Variants in SNAP25 observed in about 807,000 individuals in gnomAD.
The protein encoded by SNAP25 is synaptosomal-associated protein 25.
Under a neutral mutation model 28.7 loss-of-function variants are expected in SNAP25, and 3 were observed. The observed-to-expected ratio is 0.10, with a 90% CI of 0.05 to 0.27. The LOEUF is 0.27. Among genes scored for constraint, SNAP25 ranks in the 10% least tolerant of loss-of-function variants. The probability of loss-of-function intolerance (pLI) is 1.00; values close to 1 mark genes in which losing one functional copy is unlikely to be tolerated. For missense variants in SNAP25, 117 were observed against 278.7 expected, an observed-to-expected ratio of 0.42 and a Z score of 4.13; for synonymous variants, 61 against 88.1, an observed-to-expected ratio of 0.69 and a Z score of 1.72.
Position 10,220,736 on chromosome 20 carries a change from C to A in SNAP25, c.-64+1759C>A, listed in dbSNP as rs114377023. Among the ~76,000 whole-genome samples, 608 of 152,302 alleles carry A rather than the reference C, an allele frequency of 4.0e-3. 1 individual carries two copies. Among genetic ancestry groups the A allele is most frequent in the African/African-American group, 0.014 (600 of 41,572 alleles). ...GAGTAACAGCGTCATATGTAATAAT[C>A]TATACAATGCATTAAAGAAACGCTA... On this transcript the variant is annotated intron_variant, in intron 1 of 7. Coordinates refer to ENST00000254976, the MANE Select transcript of SNAP25 (RefSeq NM_130811.4).
chr20:10,302,114 T>C (rs2064254171), intron 7 of SNAP25, among the ~76,000 whole-genome samples: 1 of 152,088 alleles, frequency 6.6e-6, no homozygotes, highest in Non-Finnish European at 1.5e-5. Context: ...CAGTCCCAGC[T>C]ACTCCAGAGG....
At chr20:10,264,799 T>C (rs948092339) in intron 1 of SNAP25, among the ~76,000 whole-genome samples, 4 of 152,166 alleles carry the variant, frequency 2.6e-5, no homozygotes, top group African/African-American at 9.7e-5. Flanking sequence ...TGGTTGTTGT[T>C]GAAAATGCAG....
chr20:10,281,499 T>C (rs932138847), intron 3 of SNAP25, among the ~76,000 whole-genome samples: 2 of 152,220 alleles, frequency 1.3e-5, no homozygotes, highest in Admixed American at 1.3e-4. Flanking sequence ...GTACATTACC[T>C]AATTTAATCT....
In SNAP25 at chr20:10,253,162, T is replaced by G. The variant is rs185516392; in HGVS notation, c.-63-22267T>G. Among the ~76,000 whole-genome samples, 4 of 152,304 alleles carry G rather than the reference T, an allele frequency of 2.6e-5. No individual in the cohort carries two copies. In the East Asian group the frequency reaches 7.7e-4, roughly 29 times the overall value. ...ACCCTAAGGACACTCAGAACTGTGT[T>G]CTTGACCAGGTCACTTGTCTTTACC... On this transcript the variant is annotated intron_variant, in intron 1 of 7. Transcript: ENST00000254976.
At chr20:10,267,887 A>G (rs2092790394) in intron 1 of SNAP25, among the ~76,000 whole-genome samples, 1 of 152,246 alleles carries the variant, frequency 6.6e-6, no homozygotes, top group African/African-American at 2.4e-5. Flanking sequence ...TGAAATAGCT[A>G]CACACTTTGC....
At chr20:10,264,447 A>G (rs1255672789) in intron 1 of SNAP25, among the ~76,000 whole-genome samples, 1 of 152,166 alleles carries the variant, frequency 6.6e-6, no homozygotes, top group East Asian at 1.9e-4. Context: ...GAGGGTGACA[A>G]TTCTGTGGGC....
chr20:10,244,134 AT>A (rs2063085428), intron 1 of SNAP25, among the ~76,000 whole-genome samples: 1 of 152,198 alleles, frequency 6.6e-6, no homozygotes, highest in African/African-American at 2.4e-5. Context: ...ACTAAGTTAG[AT>A]AATGCCTATA....
At chr20:10,290,552 C>A (rs1412156333) in intron 4 of SNAP25, among the ~76,000 whole-genome samples, 1 of 151,952 alleles carries the variant, frequency 6.6e-6, no homozygotes, top group Admixed American at 6.6e-5. Context: ...AGGTCCAATA[C>A]CTGTGCACCA....
intron 3 of SNAP25, among the ~76,000 whole-genome samples, chr20:10,278,569 C>T (rs1321102126): frequency 6.6e-6 from 1 of 151,978 alleles, no homozygotes; most frequent in Non-Finnish European, 1.5e-5. Context: ...TTTTATTCAG[C>T]GAGATGCTGT....
chr20:10,283,400 T>C (rs1298480582), intron 3 of SNAP25, among the ~76,000 whole-genome samples: 1 of 152,172 alleles, frequency 6.6e-6, no homozygotes, highest in Non-Finnish European at 1.5e-5. Flanking sequence ...GTCTCCACAG[T>C]CTGCGCTGTC....
At chr20:10,262,769 G>A (rs2063437484) in intron 1 of SNAP25, among the ~76,000 whole-genome samples, 1 of 152,164 alleles carries the variant, frequency 6.6e-6, no homozygotes, top group Non-Finnish European at 1.5e-5. Flanking sequence ...GCCCTTGCCA[G>A]CAGGGTCCCA....
rs958711328 is a variant in SNAP25 at position 10,264,918 on chromosome 20, C to CTTTTTTTTTT, written c.-63-10501_-63-10492dup. ...TGATGCAAGGAGATCTCAGACCATG[C>CTTTTTTTTTT]TTTTTTTTTTTTTTTTTTTCTGAGA... On this transcript the variant is annotated intron_variant, in intron 1 of 7. Coordinates refer to ENST00000254976, the MANE Select transcript of SNAP25 (RefSeq NM_130811.4). Among the ~76,000 whole-genome samples, 756 of 117,062 alleles carry CTTTTTTTTTT rather than the reference C, an allele frequency of 6.5e-3. 41 individuals carry two copies. Among genetic ancestry groups the CTTTTTTTTTT allele is most frequent in the African/African-American group, 0.025 (722 of 29,450 alleles). The allele number at this position is 117,062 out of a possible 152,430, so 76.8% of individuals were successfully genotyped here. A position where few individuals can be genotyped will look rare whatever the true frequency, so the allele number is the denominator to read the frequency against.
At chr20:10,262,687 A>G (rs1208105405) in intron 1 of SNAP25, among the ~76,000 whole-genome samples, 3 of 152,196 alleles carry the variant, frequency 2.0e-5, no homozygotes, top group Admixed American at 2.0e-4. Context: ...TTATTAAGGC[A>G]GTGCTCGCAG....
Position 10,306,251 on chromosome 20 carries a change from T to G in SNAP25, c.*54T>G. ...GCTGTCGGGCAAGATAGCTCCTTCA[T>G]GCTTTTCTCATGGTATTATCTAGTA... is the stretch of plus-strand genomic sequence containing the variant. On this transcript the variant is annotated 3_prime_UTR_variant, in exon 8 of 8. Transcript: ENST00000254976. 1 of 1,539,576 alleles carries G rather than the reference T, an allele frequency of 6.5e-7. No homozygotes were observed. The highest frequency in any genetic ancestry group is 1.7e-5 in the Admixed American group (1 of 59,416).
intron 1 of SNAP25, among the ~76,000 whole-genome samples, chr20:10,223,622 T>C (rs1383226665): frequency 6.6e-6 from 1 of 151,786 alleles, no homozygotes; most frequent in African/African-American, 2.4e-5. Flanking sequence ...AGGAAGGAGA[T>C]ATGACATAGC....
chr20:10,272,133 C>T (rs1568606244), intron 1 of SNAP25, among the ~76,000 whole-genome samples: 1 of 152,150 alleles, frequency 6.6e-6, no homozygotes, highest in Non-Finnish European at 1.5e-5. Context: ...TAACAAATAC[C>T]GGGTTTGTTC....
At chr20:10,221,291 A>G (rs2062629249) in intron 1 of SNAP25, among the ~76,000 whole-genome samples, 1 of 152,192 alleles carries the variant, frequency 6.6e-6, no homozygotes. Context: ...AAGATGGCAA[A>G]GGGCACAGAG....
At chr20:10,252,805 CTTTAA>C (rs2063255217) in intron 1 of SNAP25, among the ~76,000 whole-genome samples, 1 of 138,808 alleles carries the variant, frequency 7.2e-6, no homozygotes, top group Non-Finnish European at 1.5e-5. Context: ...TTTTTCTTGA[CTTTAA>C]TTAAAGTAGT....
At chr20:10,269,218 T>G (rs931227417) in intron 1 of SNAP25, among the ~76,000 whole-genome samples, 1 of 152,172 alleles carries the variant, frequency 6.6e-6, no homozygotes, top group Non-Finnish European at 1.5e-5. Flanking sequence ...GAGACCAGCC[T>G]GGCCAACATG....
Sources: allele counts gnomAD v4.1 joint callset (sites outside exome capture counted in the v4.1 genomes callset), GRCh38; gene constraint gnomAD v4.1.1; transcripts MANE v1.5; gene names NCBI Gene and HGNC (gene_info 2026-07-23, HGNC 2026-07-21).